Variants in LDAH observed in about 807,000 individuals in gnomAD.
LDAH encodes lipid droplet associated hydrolase, also known as lipid droplet-associated hydrolase.
A neutral mutation model predicts 29.6 loss-of-function variants in LDAH; 26 were observed. The observed-to-expected ratio is 0.88, with a 90% CI of 0.64 to 1.22. LDAH has a LOEUF of 1.22. Among genes scored for constraint, LDAH ranks in the 50% most tolerant of loss-of-function variants. The pLI is 0.00. For synonymous variants in LDAH, 117 were observed against 133.0 expected (o/e 0.88, Z 0.83); for missense variants, 344 against 387.3 (o/e 0.89, Z 0.94).
intron 1 of LDAH, among the ~76,000 whole-genome samples, chr2:20,803,967 A>T (rs1671896353): frequency 6.6e-6 from 1 of 152,142 alleles, no homozygotes; most frequent in East Asian, 1.9e-4. Context: ...TTTCTTTATA[A>T]ATCTTTCCCT....
intron 1 of LDAH, among the ~76,000 whole-genome samples, chr2:20,808,432 G>A (rs1672230642): frequency 6.6e-6 from 1 of 152,078 alleles, no homozygotes; most frequent in Admixed American, 6.5e-5. Context: ...GGGAGGCCGA[G>A]GCGGGCGGAT....
At position 20,686,666 on chromosome 2, in the gene LDAH, G is replaced by A. The variant is rs1479519492; in HGVS notation, c.*237C>T. The A allele has an allele frequency of 5.1e-6, 2 of 390,824 alleles. No individual in the cohort carries two copies. Among genetic ancestry groups the A allele is most frequent in the Non-Finnish European group, 9.2e-6 (2 of 216,690 alleles). 24.2% of individuals were successfully genotyped at this position (390,824 alleles called of 1,614,324 possible). ...GCATCTTGTGCAAACACAAGACTCTGTGTAGATCACTGTGTTCCCTGAGTC... is the reference window on the plus strand; with the variant it reads ...GCATCTTGTGCAAACACAAGACTCTATGTAGATCACTGTGTTCCCTGAGTC... On this transcript the variant is annotated 3_prime_UTR_variant, in exon 7 of 7. Transcript: ENST00000237822.
chr2:20,786,482 G>A (rs746754200), intron 3 of LDAH, among the ~76,000 whole-genome samples: 2 of 152,024 alleles, frequency 1.3e-5, no homozygotes, highest in African/African-American at 2.4e-5. Context: ...GAGCCACCAC[G>A]CCTGGCCAGG....
chr2:20,719,564 T>TACCA (rs1665496248), intron 5 of LDAH, among the ~76,000 whole-genome samples: 4 of 152,074 alleles, frequency 2.6e-5, no homozygotes, highest in Admixed American at 1.3e-4. Context: ...GAAGAACTAA[T>TACCA]ACCAATTCTA....
At chr2:20,788,862 A>AT (rs1670742972) in intron 3 of LDAH, 1 of 330,004 alleles carries the variant, frequency 3.0e-6, no homozygotes, top group Non-Finnish European at 5.6e-6. Flanking sequence ...TATTTAAGTT[A>AT]TTTTTTCTCT....
intron 2 of LDAH, among the ~76,000 whole-genome samples, chr2:20,797,539 G>A (rs1269558292): frequency 1.5e-4 from 23 of 152,084 alleles, no homozygotes. Context: ...CATGGTTTTA[G>A]TACTGAAAGT....
At chr2:20,752,911 T>G (rs1668067769) in intron 4 of LDAH, among the ~76,000 whole-genome samples, 1 of 152,202 alleles carries the variant, frequency 6.6e-6, no homozygotes, top group Admixed American at 6.5e-5. Flanking sequence ...AGTTGACAGT[T>G]ACAGCTACAT....
Position 20,724,099 on chromosome 2 carries a change from T to G in LDAH, c.703+15872A>C, listed in dbSNP as rs116336944. ...GGCATTCATCTCACAGGTCAAATGT[T>G]ATCACCCAATTCTCCAAGTACACAT... On this transcript the variant is annotated intron_variant, in intron 5 of 6. Transcript: ENST00000237822. Among the ~76,000 whole-genome samples the G allele has an allele frequency of 3.8e-3, 582 of 152,300 alleles. 2 individuals carry two copies. The highest frequency in any genetic ancestry group is 7.8e-3 in the Admixed American group (120 of 15,302).
At chr2:20,687,201 C>T in intron 6 of LDAH, 107 bp from the exon 7 acceptor site, 2 of 835,856 alleles carry the variant, frequency 2.4e-6, no homozygotes, top group Non-Finnish European at 3.7e-6. Context: ...ACGCCTGACC[C>T]TGGGAGCTAG....
chr2:20,801,383 T>A lies in LDAH; in HGVS notation c.81A>T (p.Lys27Asn). 2 of 1,614,108 alleles carry A rather than the reference T, an allele frequency of 1.2e-6. No homozygotes were observed. Among genetic ancestry groups the A allele is most frequent in the South Asian group, 2.2e-5 (2 of 91,084 alleles). The change falls in exon 2 of 7, where the codon AAA (lysine) becomes AAT (asparagine). Residue 27 changes from lysine (K) to asparagine (N), a missense_variant. Coordinates refer to ENST00000237822, the MANE Select transcript of LDAH (RefSeq NM_021925.4). ...GAAAGAGGTCTGTCCAGGGCCCACATTTTAGAACCTGGGTTTCGGCTCCAC... is the reference window on the plus strand; with the variant it reads ...GAAAGAGGTCTGTCCAGGGCCCACAATTTAGAACCTGGGTTTCGGCTCCAC... ...LCGGAETQVL[K>N]CGPWTDLFHD...
intron 4 of LDAH, among the ~76,000 whole-genome samples, chr2:20,761,451 C>T (rs1242976461): frequency 6.6e-6 from 1 of 152,106 alleles, no homozygotes; most frequent in South Asian, 2.1e-4. Context: ...ATATCATTGG[C>T]CCAAAAGTAG....
intron 5 of LDAH, among the ~76,000 whole-genome samples, chr2:20,708,057 A>C (rs1456464353): frequency 4.6e-5 from 7 of 152,218 alleles, no homozygotes; most frequent in Non-Finnish European, 7.3e-5. Context: ...GCAGGAAAAG[A>C]AGCTCAGGGC....
rs1455630745 is a variant in LDAH, at chr2:20,686,083, C to T, written c.*820G>A. ...TTTAGTGCAAGAATTACAGAAGGAGCAACTGTACGTTGGCACATCCAAGCC... is the reference window on the plus strand; with the variant it reads ...TTTAGTGCAAGAATTACAGAAGGAGTAACTGTACGTTGGCACATCCAAGCC... On this transcript the variant is annotated 3_prime_UTR_variant, in exon 7 of 7. Coordinates refer to ENST00000237822, the MANE Select transcript of LDAH (RefSeq NM_021925.4). 1 of 158,048 alleles carries T rather than the reference C, an allele frequency of 6.3e-6. No homozygotes were observed. The highest frequency in any genetic ancestry group is 1.4e-5 in the Non-Finnish European group (1 of 71,788). 9.8% of individuals were successfully genotyped at this position (158,048 alleles called of 1,614,324 possible).
chr2:20,788,631 C>T lies in LDAH; in HGVS notation c.298+1624G>A, dbSNP rs531619121. ...AGCTCAATAAGCACAAAAAGATGCT[C>T]ATACCACTAGAGAGACGTACAAGAA... On this transcript the variant is annotated intron_variant, in intron 3 of 6. Coordinates refer to ENST00000237822, the MANE Select transcript of LDAH (RefSeq NM_021925.4). Among the ~76,000 whole-genome samples the T allele has an allele frequency of 1.4e-4, 22 of 152,196 alleles. No individual in the cohort carries two copies. In the South Asian group the frequency reaches 4.4e-3, roughly 30 times the overall value.
In LDAH at chr2:20,684,660, C is replaced by T; in HGVS notation, c.*2243G>A. On this transcript the variant is annotated 3_prime_UTR_variant, in exon 7 of 7. Coordinates refer to ENST00000237822, the MANE Select transcript of LDAH (RefSeq NM_021925.4). The stretch of plus-strand genomic sequence containing the variant: ...CCCTTGGTGGCCATGGACATCAGGC[C>T]ACACAAGCCACAGAGGGCTTGTGGA... 1 of 432,292 alleles carries T rather than the reference C, an allele frequency of 2.3e-6. No homozygotes were observed. The highest frequency in any genetic ancestry group is 4.1e-6 in the Non-Finnish European group (1 of 246,680). The allele number at this position is 432,292 out of a possible 1,614,324, so 26.8% of individuals were successfully genotyped here. A position where few individuals can be genotyped will look rare whatever the true frequency, so the allele number is the denominator to read the frequency against.
intron 3 of LDAH, among the ~76,000 whole-genome samples, chr2:20,781,956 T>C (rs1456268791): frequency 1.3e-5 from 2 of 152,192 alleles, no homozygotes; most frequent in African/African-American, 4.8e-5. Flanking sequence ...GAGATAAACA[T>C]ATTCAAAGTA....
intron 5 of LDAH, among the ~76,000 whole-genome samples, chr2:20,722,097 T>C (rs1439150828): frequency 1.3e-5 from 2 of 152,222 alleles, no homozygotes; most frequent in Non-Finnish European, 2.9e-5. Flanking sequence ...ATCTTACGGC[T>C]GGGCACAGTG....
chr2:20,814,980 G>A (rs992931756), intron 1 of LDAH, among the ~76,000 whole-genome samples: 1 of 152,066 alleles, frequency 6.6e-6, no homozygotes, highest in East Asian at 1.9e-4. Flanking sequence ...ACTCTGCAGA[G>A]GTTTAAAATC....
At position 20,774,832 on chromosome 2, in the gene LDAH, A is replaced by G; in HGVS notation, c.446T>C (p.Leu149Pro). ...TACCGGGAGCTCAGGGACTCGCTTC[A>G]GCATCTGAAGTGTGAAATAGCTGCC... ...SIGSYFTLQM[L>P]KRVPELPVIR... is the part of the protein sequence containing the mutation. The change falls in exon 4 of 7, where the codon CTG becomes CCG. Residue 149 changes from leucine (L) to proline (P), a missense_variant. Transcript: ENST00000237822. The G allele has an allele frequency of 2.5e-6, 4 of 1,613,182 alleles. No homozygotes were observed. The highest frequency in any genetic ancestry group is 3.4e-6 in the Non-Finnish European group (4 of 1,179,944).
Sources: allele counts gnomAD v4.1 joint callset (sites outside exome capture counted in the v4.1 genomes callset), GRCh38; gene constraint gnomAD v4.1.1; transcripts MANE v1.5; gene names NCBI Gene and HGNC (gene_info 2026-07-23, HGNC 2026-07-21).